Variants in ADAMTSL1 observed in about 807,000 individuals in gnomAD.
ADAMTSL1 encodes ADAMTS-like protein 1.
A neutral mutation model predicts 201.8 loss-of-function variants in ADAMTSL1; 126 were observed. The ratio of observed to expected loss-of-function variants is 0.62; its 90% confidence interval spans 0.54 to 0.72. ADAMTSL1 has a LOEUF of 0.72. ADAMTSL1 is among the 30% of genes least tolerant of loss of function. ADAMTSL1 has a pLI of 0.00. For synonymous variants in ADAMTSL1, 1,121 were observed against 903.4 expected (o/e 1.24, Z -4.32); for missense variants, 2,679 against 2,277.8 (o/e 1.18, Z -3.59).
chr9:18,085,309 A>T (rs1049588538), intron 1 of ADAMTSL1, among the ~76,000 whole-genome samples: 3 of 152,064 alleles, frequency 2.0e-5, no homozygotes, highest in Non-Finnish European at 4.4e-5. Flanking sequence ...CACAATACTT[A>T]ACCTTACTGG....
intron 2 of ADAMTSL1, among the ~76,000 whole-genome samples, chr9:18,361,496 G>A (rs1157036403): frequency 6.6e-5 from 10 of 152,116 alleles, no homozygotes; most frequent in East Asian, 1.9e-4. Flanking sequence ...GGGGGAAATC[G>A]TAGGTTCTTG....
At chr9:18,873,986 T>C (rs1828001795) in intron 23 of ADAMTSL1, among the ~76,000 whole-genome samples, 1 of 152,164 alleles carries the variant, frequency 6.6e-6, no homozygotes, top group Non-Finnish European at 1.5e-5. Flanking sequence ...TTTTGTAGTT[T>C]TCCTTGTAGA....
chr9:18,464,076 T>C (rs1238126015), intron 2 of ADAMTSL1, among the ~76,000 whole-genome samples: 1 of 152,228 alleles, frequency 6.6e-6, no homozygotes, highest in East Asian at 1.9e-4. Context: ...GTTGTTGCTG[T>C]TGTTCTTTCT....
chr9:18,171,856 G>A (rs200100780), intron 2 of ADAMTSL1, among the ~76,000 whole-genome samples: 4 of 151,940 alleles, frequency 2.6e-5, no homozygotes, highest in African/African-American at 7.3e-5. Context: ...TAATTTTTGT[G>A]TAAGGTGTAA....
intron 1 of ADAMTSL1, among the ~76,000 whole-genome samples, chr9:17,985,532 C>T (rs1249310906): frequency 6.6e-6 from 1 of 152,088 alleles, no homozygotes; most frequent in South Asian, 2.1e-4. Flanking sequence ...AAAGGTAAGA[C>T]TTGACAGGCA....
At chr9:18,150,251 A>G (rs929649650) in intron 1 of ADAMTSL1, among the ~76,000 whole-genome samples, 2 of 152,076 alleles carry the variant, frequency 1.3e-5, no homozygotes, top group Admixed American at 6.6e-5. Flanking sequence ...CCAGAGAGCA[A>G]CAGCCTTTAA....
chr9:18,014,878 TG>T (rs991823503), intron 1 of ADAMTSL1, among the ~76,000 whole-genome samples: 2 of 151,984 alleles, frequency 1.3e-5, no homozygotes, highest in African/African-American at 4.8e-5. Context: ...ACTTACTCTG[TG>T]GGGGCTCCCC....
intron 2 of ADAMTSL1, among the ~76,000 whole-genome samples, chr9:18,255,782 C>T (rs796638822): frequency 6.6e-6 from 1 of 152,138 alleles, no homozygotes; most frequent in Non-Finnish European, 1.5e-5. Flanking sequence ...CCACTCCCTC[C>T]CACCTCTCTG....
chr9:18,479,568 A>C (rs1265389743), intron 1 of ADAMTSL1, among the ~76,000 whole-genome samples: 1 of 152,202 alleles, frequency 6.6e-6, no homozygotes, highest in Non-Finnish European at 1.5e-5. Flanking sequence ...TAAATAATTC[A>C]TTGTAATCTC....
chr9:18,649,121 G>C (rs10963702), intron 7 of ADAMTSL1, among the ~76,000 whole-genome samples: 37,063 of 151,654 alleles, frequency 0.24, 5,006 homozygotes, highest in East Asian at 0.65. Context: ...TTCCTTTCTC[G>C]CTTCATTTCA....
chr9:17,992,090 C>T (rs534276435), intron 1 of ADAMTSL1, among the ~76,000 whole-genome samples: 7 of 152,200 alleles, frequency 4.6e-5, no homozygotes, highest in South Asian at 2.1e-4. Flanking sequence ...GTGGGTGTGA[C>T]GCTCCACTTT....
intron 22 of ADAMTSL1, 98 bp from the exon 23 acceptor site, chr9:18,829,745 C>A (rs62549132): frequency 1.4e-6 from 2 of 1,417,720 alleles, no homozygotes; most frequent in Non-Finnish European, 2.0e-6. Context: ...CTTACATATA[C>A]GCATACATGT....
rs1820214629 is a variant in ADAMTSL1 at position 18,015,378 on chromosome 9, A to T, written c.87+108456A>T. On this transcript the variant is annotated intron_variant, in intron 1 of 29. Transcript: ENST00000680146. The stretch of plus-strand genomic sequence containing the variant: ...ACATGCTGATGATAACTGAGTTAAA[A>T]TTTAGCCTCTAGCTATTAACAACTC... Among the ~76,000 whole-genome samples, 3 of 152,112 alleles carry T rather than the reference A, an allele frequency of 2.0e-5. No individual in the cohort carries two copies. The South Asian group carries it at 6.2e-4, about 31-fold the overall frequency.
rs182520464 is a variant in ADAMTSL1, at chr9:18,497,181, G to A, written c.64-7648G>A. Among the ~76,000 whole-genome samples the A allele has an allele frequency of 5.3e-5, 8 of 152,270 alleles. No individual in the cohort carries two copies. In the East Asian group the frequency reaches 5.8e-4, roughly 11 times the overall value. On this transcript the variant is annotated intron_variant, in intron 1 of 28. Transcript: ENST00000380548. ...TAGAACTCCAGGTAAAATGGCTAAC[G>A]TTTCACACCTGAGGTGAAATAGTAT...
intron 1 of ADAMTSL1, among the ~76,000 whole-genome samples, chr9:18,152,681 TG>T (rs1252191196): frequency 1.3e-5 from 2 of 151,844 alleles, no homozygotes; most frequent in East Asian, 3.9e-4. Flanking sequence ...AAGAGGGTGA[TG>T]ACTGAGGGCC....
chr9:18,659,638 G>T (rs893067624), intron 8 of ADAMTSL1, among the ~76,000 whole-genome samples: 10 of 152,082 alleles, frequency 6.6e-5, no homozygotes, highest in Non-Finnish European at 1.0e-4. Context: ...GTGGTGGCGC[G>T]AGCCTGTAAT....
At chr9:18,545,951 G>A (rs369484011) in intron 3 of ADAMTSL1, among the ~76,000 whole-genome samples, 19 of 152,262 alleles carry the variant, frequency 1.2e-4, no homozygotes, top group African/African-American at 4.1e-4. Context: ...ACCAAGATGT[G>A]CTGAAACTCA....
At chr9:18,592,328 C>T (rs775915080) in intron 4 of ADAMTSL1, among the ~76,000 whole-genome samples, 4 of 152,100 alleles carry the variant, frequency 2.6e-5, no homozygotes, top group Non-Finnish European at 5.9e-5. Flanking sequence ...TGTTGTCGCA[C>T]AGAATAAGAG....
At chr9:18,578,246 A>G (rs756719467) in intron 4 of ADAMTSL1, among the ~76,000 whole-genome samples, 3 of 152,184 alleles carry the variant, frequency 2.0e-5, no homozygotes, top group African/African-American at 7.2e-5. Flanking sequence ...TAATTCTGTC[A>G]TTAATATTAT....
Sources: allele counts gnomAD v4.1 joint callset (sites outside exome capture counted in the v4.1 genomes callset), GRCh38; gene constraint gnomAD v4.1.1; transcripts MANE v1.5; gene names NCBI Gene and HGNC (gene_info 2026-07-23, HGNC 2026-07-21).